Variants in LRRIQ1 observed in about 807,000 individuals in gnomAD.
The protein encoded by LRRIQ1 is leucine-rich repeat- and IQ domain-containing protein 1.
A neutral mutation model predicts 211.9 loss-of-function variants in LRRIQ1; 210 were observed. The ratio of observed to expected loss-of-function variants is 0.99; its 90% CI spans 0.89 to 1.11. LRRIQ1 has a LOEUF of 1.11. Ranked by LOEUF, LRRIQ1 falls within the 50% of genes most tolerant of loss-of-function variation. The probability of loss-of-function intolerance (pLI) is 0.00; values close to 1 mark genes in which losing one functional copy is unlikely to be tolerated. For missense variants in LRRIQ1, 2,136 were observed against 1,939.5 expected (o/e 1.10, Z -1.90); for synonymous variants, 699 against 650.1 (o/e 1.08, Z -1.14).
intron 11 of LRRIQ1, among the ~76,000 whole-genome samples, chr12:85,078,689 T>G (rs1214546920): frequency 2.0e-5 from 3 of 152,168 alleles, no homozygotes; most frequent in Non-Finnish European, 4.4e-5. Context: ...AGTAAAGCTT[T>G]CTGCTTTAGT....
intron 24 of LRRIQ1, among the ~76,000 whole-genome samples, chr12:85,222,026 G>C (rs1894429071): frequency 6.6e-6 from 1 of 152,144 alleles, no homozygotes; most frequent in East Asian, 1.9e-4. Context: ...ATTTAACATA[G>C]ATGGTAAAAT....
intron 11 of LRRIQ1, among the ~76,000 whole-genome samples, chr12:85,073,963 A>G (rs543482492): frequency 1.3e-5 from 2 of 152,160 alleles, no homozygotes; most frequent in Non-Finnish European, 2.9e-5. Context: ...TCCATGCTAT[A>G]ATATTTCTTA....
Position 85,055,681 on chromosome 12 carries a change from A to G in LRRIQ1, c.888A>G (p.Ala296=). ...AAVKIQAKYK[A]FVAYQKYGPI... is the part of the protein sequence containing the mutation. ...TTAAAATTCAAGCTAAATATAAAGC[A>G]TTTGTTGCCTATCAAAAATATGGCC... Residue 296 remains alanine, a synonymous_variant, in exon 8 of 27, where the codon GCA becomes GCG. Coordinates refer to ENST00000393217, the MANE Select transcript of LRRIQ1 (RefSeq NM_001079910.2). 1.2e-6 allele frequency: 2 copies of G among 1,608,532 alleles called. No individual in the cohort carries two copies. Among genetic ancestry groups the G allele is most frequent in the East Asian group, 2.2e-5 (1 of 44,666 alleles).
chr12:85,233,493 A>G (rs1350110114), intron 26 of LRRIQ1, among the ~76,000 whole-genome samples: 1 of 152,112 alleles, frequency 6.6e-6, no homozygotes, highest in Non-Finnish European at 1.5e-5. Context: ...CCTTGCTCAG[A>G]TTCTGCATTC....
At chr12:85,114,241 A>T (rs1887405311) in intron 15 of LRRIQ1, among the ~76,000 whole-genome samples, 1 of 152,098 alleles carries the variant, frequency 6.6e-6, no homozygotes, top group Non-Finnish European at 1.5e-5. Context: ...GGTTGTTTTT[A>T]GGTGGATTTT....
chr12:85,199,187 AGGTCCCATGTGCCAGAT>A (rs980104171), intron 24 of LRRIQ1, among the ~76,000 whole-genome samples: 1 of 152,058 alleles, frequency 6.6e-6, no homozygotes, highest in Non-Finnish European at 1.5e-5. Context: ...AGTCTTTGCC[AGGTCCCATGTGCCAGAT>A]GGTGTTTTCT....
At chr12:85,058,575 A>G (rs183568346) in intron 8 of LRRIQ1, among the ~76,000 whole-genome samples, 4 of 152,098 alleles carry the variant, frequency 2.6e-5, no homozygotes, top group Admixed American at 2.6e-4. Flanking sequence ...TGTTCTGTCC[A>G]ATGAGAAGGA....
In LRRIQ1 at chr12:85,172,885, G is replaced by A. The variant is rs546185448; in HGVS notation, c.4822+12171G>A. 2.6e-5 allele frequency among the ~76,000 whole-genome samples: 4 copies of A among 151,996 alleles called. No individual in the cohort carries two copies. The East Asian group carries it at 7.8e-4, about 30-fold the overall frequency. On this transcript the variant is annotated intron_variant, in intron 24 of 26. Coordinates refer to ENST00000393217, the MANE Select transcript of LRRIQ1 (RefSeq NM_001079910.2). ...GCACTTTGTGAAGCTGAGGCGGGTG[G>A]ATCACAAGATCAAGAGATCGAGACC...
intron 26 of LRRIQ1, among the ~76,000 whole-genome samples, chr12:85,233,521 A>G (rs1034252336): frequency 1.3e-5 from 2 of 152,142 alleles, no homozygotes; most frequent in Non-Finnish European, 2.9e-5. Context: ...ACTGATTATA[A>G]TTTAGCTTGG....
intron 24 of LRRIQ1, among the ~76,000 whole-genome samples, chr12:85,213,697 AT>A (rs1346180260): frequency 1.3e-5 from 2 of 152,032 alleles, no homozygotes; most frequent in African/African-American, 4.8e-5. Flanking sequence ...CTAGAAAATC[AT>A]TTTATTGGAA....
chr12:85,202,483 T>C (rs1893345937), intron 24 of LRRIQ1, among the ~76,000 whole-genome samples: 1 of 152,218 alleles, frequency 6.6e-6, no homozygotes, highest in Non-Finnish European at 1.5e-5. Flanking sequence ...TGTGCATATA[T>C]ATTTAGGATA....
intron 26 of LRRIQ1, 153 bp downstream of exon 26, chr12:85,232,909 A>T: frequency 1.8e-6 from 1 of 563,368 alleles, no homozygotes; most frequent in Non-Finnish European, 3.1e-6. Flanking sequence ...AAATAATAAC[A>T]TGTTTTCTTG....
chr12:85,075,757 C>T (rs1185988106), intron 11 of LRRIQ1, among the ~76,000 whole-genome samples: 1 of 151,808 alleles, frequency 6.6e-6, no homozygotes, highest in Non-Finnish European at 1.5e-5. Flanking sequence ...TTCCCAGCTA[C>T]TCGGGAGGCT....
chr12:85,111,382 G>C (rs1887163895), intron 15 of LRRIQ1, among the ~76,000 whole-genome samples: 2 of 152,000 alleles, frequency 1.3e-5, no homozygotes, highest in African/African-American at 4.8e-5. Context: ...TACTGCACGA[G>C]AGGCTAGAAA....
intron 11 of LRRIQ1, among the ~76,000 whole-genome samples, chr12:85,097,039 C>T (rs1885938467): frequency 6.6e-6 from 1 of 152,020 alleles, no homozygotes; most frequent in Admixed American, 6.6e-5. Context: ...TACTTTGAGC[C>T]TATATGTTTT....
At chr12:85,072,017 T>C (rs896412038) in intron 10 of LRRIQ1, among the ~76,000 whole-genome samples, 4 of 152,068 alleles carry the variant, frequency 2.6e-5, no homozygotes, top group Admixed American at 2.6e-4. Flanking sequence ...CTTTTTCTTT[T>C]CTGTTTATTA....
chr12:85,181,007 G>T lies in LRRIQ1; in HGVS notation c.4822+20293G>T, dbSNP rs887112667. Among the ~76,000 whole-genome samples the T allele has an allele frequency of 8.0e-5, 11 of 137,472 alleles. No individual in the cohort carries two copies. In the South Asian group the frequency reaches 2.3e-3, roughly 28 times the overall value. The allele number at this position is 137,472 out of a possible 152,430, so 90.2% of individuals were successfully genotyped here. On this transcript the variant is annotated intron_variant, in intron 24 of 26. Transcript: ENST00000393217. ...TCTATTCTACTCTAAATTTTAGCTG[G>T]ACAAATTTGATAAGCAGGTTTAATC...
Position 85,127,847 on chromosome 12 carries a change from A to T in LRRIQ1, c.4023A>T (p.Val1341=). 6.2e-7 allele frequency: 1 copy of T among 1,613,930 alleles called. No homozygotes were observed. The highest frequency in any genetic ancestry group is 1.7e-5 in the Admixed American group (1 of 59,992). ...EPSEKIMAAV[V]IQSYWRGYLM... The stretch of plus-strand genomic sequence containing the variant: ...CTCTTAATAGTATGGCAGCTGTGGT[A>T]ATCCAGTCATACTGGCGTGGTTACC... The change falls in exon 18 of 27, where the codon GTA becomes GTT. Residue 1341 remains valine, a synonymous_variant. Coordinates refer to ENST00000393217, the MANE Select transcript of LRRIQ1 (RefSeq NM_001079910.2).
At chr12:85,041,816 A>G (rs1407737970) in intron 3 of LRRIQ1, among the ~76,000 whole-genome samples, 3 of 151,964 alleles carry the variant, frequency 2.0e-5, no homozygotes, top group African/African-American at 4.8e-5. Flanking sequence ...GACTATTGCA[A>G]TAATATGACA....
Sources: allele counts gnomAD v4.1 joint callset (sites outside exome capture counted in the v4.1 genomes callset), GRCh38; gene constraint gnomAD v4.1.1; transcripts MANE v1.5; gene names NCBI Gene and HGNC (gene_info 2026-07-23, HGNC 2026-07-21).